MPHOSPH9: variants seen among roughly 807,000 people sequenced by gnomAD.
MPHOSPH9 encodes M-phase phosphoprotein 9.
MPHOSPH9 carries 88 observed loss-of-function variants against 145.5 expected under a neutral mutation model. The ratio of observed to expected loss-of-function variants is 0.60; its 90% CI spans 0.51 to 0.72. The LOEUF (loss-of-function observed/expected upper bound fraction) is 0.72, where lower values mean the gene tolerates loss of function less well. Ranked by LOEUF, MPHOSPH9 falls within the 30% of genes least tolerant of loss-of-function variation. The pLI is 0.00. For synonymous variants in MPHOSPH9, 435 were observed against 486.2 expected (o/e 0.89, Z 1.39); for missense variants, 1,238 against 1,386.6 (o/e 0.89, Z 1.70).
Position 123,156,615 on chromosome 12 carries a change from T to C in MPHOSPH9, c.*192A>G. ...TTTAAATAGTAAAATATACAAGAGATTCCTGAGCATAACAAAAATATCTTG... is the reference window on the plus strand; with the variant it reads ...TTTAAATAGTAAAATATACAAGAGACTCCTGAGCATAACAAAAATATCTTG... On this transcript the variant is annotated 3_prime_UTR_variant, in exon 24 of 24. Coordinates refer to ENST00000606320, the MANE Select transcript of MPHOSPH9 (RefSeq NM_022782.4). 2 of 428,758 alleles carry C rather than the reference T, an allele frequency of 4.7e-6. No individual in the cohort carries two copies. The highest frequency in any genetic ancestry group is 6.1e-4 in the Middle Eastern group (1 of 1,634). The allele number at this position is 428,758 out of a possible 1,614,324, so 26.6% of individuals were successfully genotyped here. A position where few individuals can be genotyped will look rare whatever the true frequency, so the allele number is the denominator to read the frequency against.
chr12:123,164,142 C>G (rs773538332), intron 18 of MPHOSPH9, 52 bp from the exon 19 acceptor site: 1 of 1,607,520 alleles, frequency 6.2e-7, no homozygotes, highest in Non-Finnish European at 8.5e-7. Flanking sequence ...AACAAGCCTA[C>G]GCTTCAGTTA....
At chr12:123,176,108 T>A (rs929890082) in intron 16 of MPHOSPH9, among the ~76,000 whole-genome samples, 6 of 152,094 alleles carry the variant, frequency 3.9e-5, no homozygotes, top group Non-Finnish European at 7.3e-5. Context: ...CTAATAAATG[T>A]CATTATAAAG....
intron 11 of MPHOSPH9, among the ~76,000 whole-genome samples, chr12:123,198,845 A>T (rs980520225): frequency 6.7e-6 from 1 of 149,518 alleles, no homozygotes; most frequent in Non-Finnish European, 1.5e-5. Flanking sequence ...GCCTAAAATA[A>T]TTTTTTTAAA....
chr12:123,241,256 T>C (rs1201808451), intron 1 of MPHOSPH9, among the ~76,000 whole-genome samples: 3 of 150,708 alleles, frequency 2.0e-5, no homozygotes. Context: ...CCTCCCAATA[T>C]GCTGGGATTT....
intron 18 of MPHOSPH9, among the ~76,000 whole-genome samples, chr12:123,164,584 A>G (rs2044234175): frequency 6.6e-6 from 1 of 152,250 alleles, no homozygotes; most frequent in South Asian, 2.1e-4. Context: ...TAACCAAGAA[A>G]GAAGAGGAAA....
chr12:123,213,083 T>C (rs2046813642), intron 7 of MPHOSPH9, among the ~76,000 whole-genome samples: 1 of 151,954 alleles, frequency 6.6e-6, no homozygotes, highest in African/African-American at 2.4e-5. Context: ...ATAGTCTCGA[T>C]CGCCTGACCT....
At chr12:123,195,897 T>C (rs2045922515) in intron 12 of MPHOSPH9, among the ~76,000 whole-genome samples, 1 of 151,264 alleles carries the variant, frequency 6.6e-6, no homozygotes. Context: ...CAGCTGGGTG[T>C]GGTGGTGTGT....
At chr12:123,211,711 T>TTAGTA (rs2046731145) in intron 7 of MPHOSPH9, among the ~76,000 whole-genome samples, 1 of 95,004 alleles carries the variant, frequency 1.1e-5, no homozygotes, top group Non-Finnish European at 2.4e-5. Flanking sequence ...TTTTTTTTTC[T>TTAGTA]GAGACAGGGC....
chr12:123,164,101 C>A lies in MPHOSPH9; in HGVS notation c.2768-11G>T. The A allele has an allele frequency of 6.2e-7, 1 of 1,611,610 alleles. No homozygotes were observed. Among genetic ancestry groups the A allele is most frequent in the Non-Finnish European group, 8.5e-7 (1 of 1,179,244 alleles). On this transcript the variant is annotated splice_polypyrimidine_tract_variant and intron_variant, in intron 18 of 23. Transcript: ENST00000606320. ...TTTGCCGAGGATTTACTACAGCAGA[C>A]CAAAAAAAAGCAAAACAAAAAACAA...
chr12:123,163,938 T>A lies in MPHOSPH9; in HGVS notation c.2908+12A>T. On this transcript the variant is annotated intron_variant, in intron 19 of 23. Transcript: ENST00000606320. ...CTTTTGAACCCAAGAGATGTACACATCTAACTCTTACTTGGAGTACTTGAT... is the reference window on the plus strand; with the variant it reads ...CTTTTGAACCCAAGAGATGTACACAACTAACTCTTACTTGGAGTACTTGAT... 1 of 1,613,996 alleles carries A rather than the reference T, an allele frequency of 6.2e-7. No homozygotes were observed. The highest frequency in any genetic ancestry group is 8.5e-7 in the Non-Finnish European group (1 of 1,179,942).
At chr12:123,167,631 C>T (rs1202838305) in intron 16 of MPHOSPH9, among the ~76,000 whole-genome samples, 1 of 152,146 alleles carries the variant, frequency 6.6e-6, no homozygotes, top group Non-Finnish European at 1.5e-5. Flanking sequence ...CCACAGCATG[C>T]GTACTCCAGC....
chr12:123,182,265 T>TG (rs1448848541), intron 13 of MPHOSPH9, among the ~76,000 whole-genome samples: 9 of 149,756 alleles, frequency 6.0e-5, no homozygotes, highest in African/African-American at 2.2e-4. Context: ...TTTTTTGTTT[T>TG]TTTTTTTTGA....
At position 123,202,195 on chromosome 12, in the gene MPHOSPH9, A is replaced by C. The variant is rs750982023; in HGVS notation, c.1906T>G (p.Trp636Gly). 1 of 1,611,460 alleles carries C rather than the reference A, an allele frequency of 6.2e-7. No individual in the cohort carries two copies. The highest frequency in any genetic ancestry group is 1.1e-5 in the South Asian group (1 of 90,126). The change falls in exon 11 of 24, where the codon TGG (tryptophan) becomes GGG (glycine). Residue 636 changes from tryptophan (W) to glycine (G), a missense_variant. Trp to Gly is a radical substitution (Grantham distance 184). Transcript: ENST00000606320. ...EAKEISGVEDWKITNQILVDR... is the reference protein window; with the variant it reads ...EAKEISGVEDGKITNQILVDR... Reference sequence around the variant, plus strand: ...ACAAGAATTTGATTGGTTATCTTCCAATCTTCAACTCCAGAGATTTCTTTT... The same window carrying C: ...ACAAGAATTTGATTGGTTATCTTCCCATCTTCAACTCCAGAGATTTCTTTT...
chr12:123,202,690 C>G lies in MPHOSPH9; in HGVS notation c.1715G>C (p.Gly572Ala), dbSNP rs1370882180. Residue 572 changes from glycine (G) to alanine (A), a missense_variant, in exon 10 of 24, where the codon GGT becomes GCT. Physicochemically the swap from Gly to Ala is moderately conservative, Grantham distance 60. Coordinates refer to ENST00000606320, the MANE Select transcript of MPHOSPH9 (RefSeq NM_022782.4). ...SASVSQSQLPGTANSVPECIS... is the reference protein window; with the variant it reads ...SASVSQSQLPATANSVPECIS... ...GCATTCTGGGACACTGTTGGCTGTA[C>G]CTGGAAGCTGGGACTGACTGACTGA... 1 of 1,614,074 alleles carries G rather than the reference C, an allele frequency of 6.2e-7. No homozygotes were observed. The highest frequency in any genetic ancestry group is 8.5e-7 in the Non-Finnish European group (1 of 1,180,004).
At chr12:123,193,108 TACACAC>T (rs4044136) in intron 13 of MPHOSPH9, among the ~76,000 whole-genome samples, 3,257 of 94,538 alleles carry the variant, frequency 0.034, 197 homozygotes, top group East Asian at 0.068. Context: ...TATATATATA[TACACAC>T]ACACACACAC....
At chr12:123,201,100 T>C (rs2046202077) in intron 11 of MPHOSPH9, among the ~76,000 whole-genome samples, 1 of 152,200 alleles carries the variant, frequency 6.6e-6, no homozygotes, top group East Asian at 1.9e-4. Flanking sequence ...TCCCTACCAT[T>C]GTACCCCCAC....
At position 123,159,182 on chromosome 12, in the gene MPHOSPH9, A is replaced by G. The variant is rs10744147; in HGVS notation, c.3450+1599T>C. Reference sequence around the variant, plus strand: ...GTATTTTTTTTTATTATTCTTTTTCAGAGACGGAGTCTTGCTCTGTCACCC... The same window carrying G: ...GTATTTTTTTTTATTATTCTTTTTCGGAGACGGAGTCTTGCTCTGTCACCC... On this transcript the variant is annotated intron_variant, in intron 23 of 23. Transcript: ENST00000606320. The surrounding 1 kb of genome is among the most constrained non-coding windows in gnomAD (Gnocchi z 4.3). Among the ~76,000 whole-genome samples the G allele has an allele frequency of 0.79, 119,573 of 152,110 alleles. 47,215 individuals carry two copies. The highest frequency in any genetic ancestry group is 0.97 in the East Asian group (5,024 of 5,166).
intron 8 of MPHOSPH9, among the ~76,000 whole-genome samples, chr12:123,208,188 CAAAA>C (rs35626958): frequency 1.2e-5 from 1 of 85,166 alleles, no homozygotes. Context: ...GACTCCGTCT[CAAAA>C]AAAAAAAAAA....
intron 2 of MPHOSPH9, among the ~76,000 whole-genome samples, chr12:123,229,071 T>TA (rs1402594622): frequency 1.3e-5 from 2 of 152,244 alleles, no homozygotes; most frequent in Non-Finnish European, 2.9e-5. Flanking sequence ...TATACCCATG[T>TA]AAGCTGCCTT....
Sources: gnomAD v4.1 joint callset for allele counts (sites outside exome capture counted in the v4.1 genomes callset) on GRCh38, gnomAD v4.1.1 for gene constraint, Gnocchi (gnomAD v3.1) non-coding constraint, MANE v1.5 for transcripts, NCBI Gene and HGNC (gene_info 2026-07-23, HGNC 2026-07-21) for gene names.